RAB1B: variants seen among roughly 807,000 people sequenced by gnomAD.
RAB1B encodes the protein ras-related protein Rab-1B.
A neutral mutation model predicts 24.8 loss-of-function variants in RAB1B; 10 were observed. That is an observed-to-expected ratio of 0.40 (90% CI 0.25 to 0.68). The LOEUF (loss-of-function observed/expected upper bound fraction) is 0.68. Ranked by LOEUF, RAB1B falls within the 30% of genes least tolerant of loss-of-function variation. RAB1B has a pLI of 0.37. For synonymous variants in RAB1B, 99 were observed against 111.7 expected (o/e 0.89, Z 0.72); for missense variants, 154 against 271.2 (o/e 0.57, Z 3.04).
intron 4 of RAB1B, among the ~76,000 whole-genome samples, chr11:66,273,529 C>A (rs1050034165): frequency 3.9e-5 from 6 of 152,230 alleles, no homozygotes; most frequent in African/African-American, 1.4e-4. Flanking sequence ...ATTTGCTGGT[C>A]TGTCCAGTGC....
At chr11:66,271,376 T>C (rs1460424309) in intron 1 of RAB1B, 1 of 155,924 alleles carries the variant, frequency 6.4e-6, no homozygotes, top group African/African-American at 2.5e-5. Flanking sequence ...TAATCCCAGC[T>C]ACTCGGGAGG....
intron 2 of RAB1B, 41 bp downstream of exon 2, chr11:66,271,910 A>G (rs1658386701): frequency 6.6e-7 from 1 of 1,517,650 alleles, no homozygotes; most frequent in African/African-American, 1.4e-5. Flanking sequence ...TGGGGTCCTG[A>G]CTGGCAGCTG....
In RAB1B at chr11:66,276,024, T is replaced by C. The variant is rs1857137483; in HGVS notation, c.412-20T>C. The C allele has an allele frequency of 5.0e-6, 8 of 1,605,152 alleles. No homozygotes were observed. Among genetic ancestry groups the C allele is most frequent in the African/African-American group, 1.3e-5 (1 of 74,830 alleles). On this transcript the variant is annotated intron_variant, in intron 5 of 5. Transcript: ENST00000311481. ...CCCCTCCTCTTCTCTCCCCTCCTCT[T>C]CTCTCCTCTCCCTTGTCAGGAGTTT...
chr11:66,276,076 G>T lies in RAB1B; in HGVS notation c.444G>T (p.Leu148Phe), dbSNP rs1857138740. ...CAGACTCTCTGGGCATCCCCTTCTT[G>T]GAGACGAGCGCCAAGAATGCCACCA... ...EFADSLGIPF[L>F]ETSAKNATNV... The change falls in exon 6 of 6, where the codon TTG becomes TTT. Residue 148 changes from leucine to phenylalanine, a missense_variant. This residue lies in a region of RAB1B where 77 missense variants were observed against 97.8 expected (regional missense o/e 0.79). Transcript: ENST00000311481. 6.2e-7 allele frequency: 1 copy of T among 1,613,646 alleles called. No individual in the cohort carries two copies. Among genetic ancestry groups the T allele is most frequent in the Non-Finnish European group, 8.5e-7 (1 of 1,179,902 alleles).
At chr11:66,275,970 G>A (rs775399820) in intron 5 of RAB1B, 35 bp downstream of exon 5, 11 of 1,607,132 alleles carry the variant, frequency 6.8e-6, no homozygotes, top group Middle Eastern at 1.6e-4. Context: ...GGGTCGGGGC[G>A]CTGGGGCCTG....
rs1007612576 is a variant in RAB1B, at chr11:66,271,563, A to T, written c.15-234A>T. 1.1e-5 allele frequency: 4 copies of T among 354,816 alleles called. No homozygotes were observed. The South Asian group carries it at 1.7e-4, about 15-fold the overall frequency. The allele number at this position is 354,816 out of a possible 1,614,324, so 22.0% of individuals were successfully genotyped here. A position where few individuals can be genotyped will look rare whatever the true frequency, so the allele number is the denominator to read the frequency against. On this transcript the variant is annotated intron_variant, in intron 1 of 5. Transcript: ENST00000311481. ...TGGACACCTGAAGTCCCAGCTACGC[A>T]GGAAGCTGAGGTGGGAAGATCACTT...
At chr11:66,273,833 G>A (rs112883589) in intron 4 of RAB1B, among the ~76,000 whole-genome samples, 2,299 of 152,226 alleles carry the variant, frequency 0.015, 54 homozygotes, top group African/African-American at 0.05. Context: ...CCGGTCTCAC[G>A]GGAAGGGCAA....
At chr11:66,275,040 C>T (rs1003072464) in intron 4 of RAB1B, among the ~76,000 whole-genome samples, 14 of 152,026 alleles carry the variant, frequency 9.2e-5, no homozygotes, top group Non-Finnish European at 5.9e-5. Context: ...ATCTACTGTC[C>T]CGTGAATGTG....
chr11:66,272,087 T>C, intron 2 of RAB1B, 70 bp from the exon 3 acceptor site: 1 of 1,195,036 alleles, frequency 8.4e-7, no homozygotes, highest in Non-Finnish European at 1.3e-6. Flanking sequence ...GGCAGGGAAC[T>C]GGAGGGAGGC....
intron 4 of RAB1B, among the ~76,000 whole-genome samples, chr11:66,273,231 A>G (rs1857089575): frequency 6.6e-6 from 1 of 152,114 alleles, no homozygotes; most frequent in South Asian, 2.1e-4. Context: ...AGATAAGGAG[A>G]AGCTTAAATC....
At chr11:66,268,827 CCCCCACATCCGGGTTCTGCCCCT>C in intron 1 of RAB1B, 134 bp downstream of exon 1, 1 of 942,886 alleles carries the variant, frequency 1.1e-6, no homozygotes, top group Non-Finnish European at 1.4e-6. Context: ...CGCTGACCCC[CCCCCACATCCGGGTTCTGCCCCT>C]CCCCCCAGGG....
In RAB1B at chr11:66,275,925, C is replaced by A. The variant is rs750999745; in HGVS notation, c.401C>A (p.Thr134Asn). 1 of 1,611,700 alleles carries A rather than the reference C, an allele frequency of 6.2e-7. No homozygotes were observed. The highest frequency in any genetic ancestry group is 1.1e-5 in the South Asian group (1 of 90,456). The change falls in exon 5 of 6, where the codon ACC (threonine) becomes AAC (asparagine). Residue 134 changes from threonine (T) to asparagine (N), a missense_variant. Thr to Asn is a moderately conservative substitution (Grantham distance 65). Transcript: ENST00000311481. ...ACCACCAAGAAGGTGGTGGACAACACCACAGCCAAGGTAGCAGACGGGCCG... is the reference window on the plus strand; with the variant it reads ...ACCACCAAGAAGGTGGTGGACAACAACACAGCCAAGGTAGCAGACGGGCCG... ...DLTTKKVVDN[T>N]TAKEFADSLG...
intron 4 of RAB1B, 59 bp from the exon 5 acceptor site, chr11:66,275,745 G>C: frequency 6.5e-7 from 1 of 1,530,836 alleles, no homozygotes; most frequent in South Asian, 1.2e-5. Context: ...GTCTTCTCCA[G>C]GCCTGGGGTA....
In RAB1B at chr11:66,276,461, G is replaced by A. The variant is rs1252647842; in HGVS notation, c.*223G>A. 5 of 534,992 alleles carry A rather than the reference G, an allele frequency of 9.3e-6. No homozygotes were observed. Among genetic ancestry groups the A allele is most frequent in the South Asian group, 2.7e-5 (1 of 36,492 alleles). 33.1% of individuals were successfully genotyped at this position (534,992 alleles called of 1,614,324 possible). On this transcript the variant is annotated 3_prime_UTR_variant, in exon 6 of 6. Coordinates refer to ENST00000311481, the MANE Select transcript of RAB1B (RefSeq NM_030981.3). ...CTCAGGGCCTGTGGCCAGGCAGGGC[G>A]GAGGCCTGCTGTGCTGTTGCCTCTA... is the stretch of plus-strand genomic sequence containing the variant.
At chr11:66,272,773 G>C (rs1857082035) in intron 4 of RAB1B, among the ~76,000 whole-genome samples, 1 of 152,112 alleles carries the variant, frequency 6.6e-6, no homozygotes, top group African/African-American at 2.4e-5. Context: ...GCACCTTTGT[G>C]TTGTGGGAGT....
intron 4 of RAB1B, among the ~76,000 whole-genome samples, chr11:66,273,961 A>C (rs1857101339): frequency 6.6e-6 from 1 of 152,082 alleles, no homozygotes; most frequent in Non-Finnish European, 1.5e-5. Context: ...CAGCGCCTCT[A>C]TCCCCATTTT....
intron 4 of RAB1B, among the ~76,000 whole-genome samples, chr11:66,275,365 C>T (rs987435460): frequency 2.0e-5 from 3 of 152,216 alleles, no homozygotes; most frequent in African/African-American, 4.8e-5. Flanking sequence ...AGAGGACCCT[C>T]GAACTCCTGT....
Position 66,276,146 on chromosome 11 carries a change from C to A in RAB1B, c.514C>A (p.Arg172=). ...FMTMAAEIKK[R]MGPGAASGGE... is the part of the protein sequence containing the mutation. ...GACCATGGCTGCTGAAATCAAAAAG[C>A]GGATGGGGCCTGGAGCAGCCTCTGG... is the stretch of plus-strand genomic sequence containing the variant. Residue 172 remains arginine (R), a synonymous_variant, in exon 6 of 6, where the codon CGG becomes AGG. Coordinates refer to ENST00000311481, the MANE Select transcript of RAB1B (RefSeq NM_030981.3). 1 of 1,613,288 alleles carries A rather than the reference C, an allele frequency of 6.2e-7. No individual in the cohort carries two copies. The highest frequency in any genetic ancestry group is 8.5e-7 in the Non-Finnish European group (1 of 1,179,744).
At chr11:66,274,626 G>A (rs1857112359) in intron 4 of RAB1B, among the ~76,000 whole-genome samples, 1 of 152,124 alleles carries the variant, frequency 6.6e-6, no homozygotes, top group African/African-American at 2.4e-5. Context: ...TCTGGCCTAA[G>A]AAACGCCCAC....
Sources: gnomAD v4.1 joint callset for allele counts (sites outside exome capture counted in the v4.1 genomes callset) on GRCh38, gnomAD v4.1.1 for gene constraint, gnomAD v4.1.1 regional missense constraint, MANE v1.5 for transcripts, NCBI Gene and HGNC (gene_info 2026-07-23, HGNC 2026-07-21) for gene names.